The following GNE variants were observed in gnomAD, a reference collection of about 807,000 sequenced individuals.
GNE encodes the protein glucosamine (UDP-N-acetyl)-2-epimerase/N-acetylmannosamine kinase.
A neutral mutation model predicts 61.8 loss-of-function variants in GNE; 41 were observed. The observed-to-expected ratio is 0.66, with a 90% CI of 0.52 to 0.86. The LOEUF (loss-of-function observed/expected upper bound fraction) is 0.86, where lower values mean the gene tolerates loss of function less well. Among genes scored for constraint, GNE ranks in the 40% least tolerant of loss-of-function variants. The pLI is 0.00. For missense variants in GNE, 608 were observed against 909.1 expected (o/e 0.67, Z 4.26); for synonymous variants, 264 against 326.4 (o/e 0.81, Z 2.06).
intron 4 of GNE, among the ~76,000 whole-genome samples, chr9:36,234,722 C>T (rs1829321988): frequency 6.6e-6 from 1 of 152,090 alleles, no homozygotes; most frequent in Non-Finnish European, 1.5e-5. Flanking sequence ...CTCAACTGAC[C>T]CCCTCCTAAC....
rs565059848 is a variant in GNE, at chr9:36,258,440, C to T, written c.-162G>A. The stretch of plus-strand genomic sequence containing the variant: ...CCCTCGGTTTCCGCGCTCGGGCGCG[C>T]GGGTAGACGACTCGTCGCTCGACCT... On this transcript the variant is annotated 5_prime_UTR_variant, in exon 1 of 12. Transcript: ENST00000642385. The T allele has an allele frequency of 4.1e-6, 4 of 985,536 alleles. No individual in the cohort carries two copies. The highest frequency in any genetic ancestry group is 4.8e-6 in the Non-Finnish European group (4 of 829,988). 61.0% of individuals were successfully genotyped at this position (985,536 alleles called of 1,614,324 possible).
At chr9:36,220,128 G>A in intron 9 of GNE, 108 bp from the exon 10 acceptor site, 1 of 909,828 alleles carries the variant, frequency 1.1e-6, no homozygotes, top group Non-Finnish European at 1.8e-6. Flanking sequence ...AGGGTCTATA[G>A]ATACTTCTTT....
At chr9:36,243,930 C>T (rs1464834742) in intron 3 of GNE, among the ~76,000 whole-genome samples, 1 of 149,078 alleles carries the variant, frequency 6.7e-6, no homozygotes. Context: ...CTTTTTCTTT[C>T]TGTGTTTTTT....
At chr9:36,222,212 A>G (rs1160739678) in intron 9 of GNE, among the ~76,000 whole-genome samples, 1 of 151,918 alleles carries the variant, frequency 6.6e-6, no homozygotes, top group East Asian at 1.9e-4. Context: ...AGGTCAGGAG[A>G]TCGAGACCAT....
At chr9:36,254,677 C>T (rs1460783185) in intron 1 of GNE, among the ~76,000 whole-genome samples, 2 of 152,138 alleles carry the variant, frequency 1.3e-5, no homozygotes, top group African/African-American at 2.4e-5. Flanking sequence ...TTCGGCCGGG[C>T]GCAGTGGCTC....
chr9:36,262,557 T>C (rs1050009289), upstream of GNE, among the ~76,000 whole-genome samples: 3 of 152,186 alleles, frequency 2.0e-5, no homozygotes, highest in Non-Finnish European at 4.4e-5. Flanking sequence ...CATTTGACTT[T>C]AGTCTGAGAA....
intron 5 of GNE, 56 bp from the exon 6 acceptor site, chr9:36,229,164 TA>T: frequency 1.0e-6 from 1 of 954,402 alleles, no homozygotes; most frequent in Non-Finnish European, 1.7e-6. Context: ...ATCCAAAGAA[TA>T]AAGAAATTAT....
Position 36,222,782 on chromosome 9 carries a change from C to T in GNE, c.1628G>A (p.Gly543Asp), listed in dbSNP as rs1828661193. 1 of 1,608,788 alleles carries T rather than the reference C, an allele frequency of 6.2e-7. No homozygotes were observed. Among genetic ancestry groups the T allele is most frequent in the Non-Finnish European group, 8.5e-7 (1 of 1,175,144 alleles). Residue 543 changes from glycine to aspartate, a missense_variant, in exon 9 of 12, where the codon GGC (glycine) becomes GAC (aspartate). Gly to Asp is a moderately conservative substitution (Grantham distance 94). Transcript: ENST00000642385. Reference sequence around the variant, plus strand: ...CCTCCCCCTACCCCTCTTACCTGTGCCTGTGATAAGTGTAACAAAGTTTTC... The same window carrying T: ...CCTCCCCCTACCCCTCTTACCTGTGTCTGTGATAAGTGTAACAAAGTTTTC... ...GLENFVTLITGTGIGGGIIHQ... is the reference protein window; with the variant it reads ...GLENFVTLITDTGIGGGIIHQ...
At chr9:36,223,864 T>C (rs1828730704) in intron 7 of GNE, among the ~76,000 whole-genome samples, 1 of 151,866 alleles carries the variant, frequency 6.6e-6, no homozygotes, top group East Asian at 2.0e-4. Context: ...CGATTCTCCT[T>C]CCTCAGCTTC....
At chr9:36,274,115 T>TGTGA (rs1273335048) in intron 1 of GNE, among the ~76,000 whole-genome samples, 4 of 144,566 alleles carry the variant, frequency 2.8e-5, no homozygotes, top group African/African-American at 1.0e-4. Context: ...TGTGTGTGTG[T>TGTGA]GACAGGGTCT....
intron 1 of GNE, among the ~76,000 whole-genome samples, chr9:36,269,334 A>G (rs914221434): frequency 3.3e-5 from 5 of 151,652 alleles, no homozygotes; most frequent in Non-Finnish European, 4.4e-5. Context: ...TCATTCTTTC[A>G]GAAATTGGCT....
intron 4 of GNE, among the ~76,000 whole-genome samples, chr9:36,235,595 T>TA (rs1353880671): frequency 6.6e-6 from 1 of 152,190 alleles, no homozygotes; most frequent in Admixed American, 6.5e-5. Context: ...GATACATAGT[T>TA]ACATTACACA....
chr9:36,244,336 A>C (rs1343605792), intron 3 of GNE, among the ~76,000 whole-genome samples: 3 of 152,134 alleles, frequency 2.0e-5, no homozygotes, highest in Non-Finnish European at 2.9e-5. Context: ...AAGGTCCTAA[A>C]TAGATTATTA....
At chr9:36,251,124 C>T (rs758017439) in intron 1 of GNE, among the ~76,000 whole-genome samples, 1 of 152,118 alleles carries the variant, frequency 6.6e-6, no homozygotes, top group African/African-American at 2.4e-5. Context: ...TTATAGATGC[C>T]ACCTACTTTT....
chr9:36,236,923 AATGTCAGTGGTCAC>A lies in GNE; in HGVS notation c.664_677del (p.Val222Ter). 1 of 1,610,994 alleles carries A rather than the reference AATGTCAGTGGTCAC, an allele frequency of 6.2e-7. No individual in the cohort carries two copies. Among genetic ancestry groups the A allele is most frequent in the Non-Finnish European group, 8.5e-7 (1 of 1,177,132 alleles). ...ATTCAAACATTTTTATGGAATGCTTAATGTCAGTGGTCACAGGGTGCTGTAGTGCAACAATGTAA... is the reference window on the plus strand; with the variant it reads ...ATTCAAACATTTTTATGGAATGCTTAAGGGTGCTGTAGTGCAACAATGTAA... On this transcript the variant is annotated frameshift_variant, in exon 4 of 12. Transcript: ENST00000642385. LOFTEE classifies it high-confidence loss of function.
At chr9:36,263,732 T>G (rs1328848538) in intron 1 of GNE, among the ~76,000 whole-genome samples, 1 of 152,228 alleles carries the variant, frequency 6.6e-6, no homozygotes, top group African/African-American at 2.4e-5. Flanking sequence ...AGCAGCACAG[T>G]TGAATTTCAA....
chr9:36,239,441 ATTTC>A lies in GNE; in HGVS notation c.617-2461_617-2458del, dbSNP rs538240240. Among the ~76,000 whole-genome samples, 530 of 150,082 alleles carry A rather than the reference ATTTC, an allele frequency of 3.5e-3. 2 individuals carry two copies. The highest frequency in any genetic ancestry group is 5.3e-3 in the African/African-American group (218 of 40,840). ...TTTCCATTTGTTCATGTTGTCTATG[ATTTC>A]TTTCTTTCTATCTTTCTTTCTTTTT... On this transcript the variant is annotated intron_variant, in intron 3 of 11. Transcript: ENST00000642385.
At chr9:36,219,784 T>G in intron 10 of GNE, 54 bp downstream of exon 10, 1 of 1,476,724 alleles carries the variant, frequency 6.8e-7, no homozygotes. Context: ...ATTTCCACTT[T>G]GAAGTACTTG....
At chr9:36,235,739 A>C (rs1490832630) in intron 4 of GNE, among the ~76,000 whole-genome samples, 1 of 152,156 alleles carries the variant, frequency 6.6e-6, no homozygotes, top group Non-Finnish European at 1.5e-5. Flanking sequence ...TGTTCTCCCT[A>C]ACAGAAAAGA....
Sources: gnomAD v4.1 joint callset for allele counts (sites outside exome capture counted in the v4.1 genomes callset) on GRCh38, gnomAD v4.1.1 for gene constraint, MANE v1.5 for transcripts, NCBI Gene and HGNC (gene_info 2026-07-23, HGNC 2026-07-21) for gene names.